The following CHD1L variants were observed in gnomAD, a reference collection of about 807,000 sequenced individuals.
CHD1L encodes ATP-dependent chromatin remodeler CHD1L.
CHD1L carries 118 observed loss-of-function variants against 115.9 expected under a neutral mutation model. That is an observed-to-expected ratio of 1.02 (90% CI 0.88 to 1.19). The LOEUF is 1.19. Ranked by LOEUF, CHD1L falls within the 50% of genes most tolerant of loss-of-function variation. CHD1L has a pLI of 0.00. For synonymous variants in CHD1L, 411 were observed against 387.1 expected (o/e 1.06, Z -0.72); for missense variants, 1,179 against 1,065.3 (o/e 1.11, Z -1.49).
At chr1:147,256,042 G>A in intron 4 of CHD1L, 115 bp downstream of exon 4, 1 of 601,514 alleles carries the variant, frequency 1.7e-6, no homozygotes, top group Non-Finnish European at 2.8e-6. Flanking sequence ...TGGGCAGGGA[G>A]TCTACCTTCA....
the CHD1L span, among the ~76,000 whole-genome samples, chr1:147,233,406 C>T: frequency 1.2e-3 from 177 of 150,390 alleles, 2 homozygotes; most frequent in African/African-American, 3.9e-3. Flanking sequence ...CCAGCCGCCC[C>T]GTCCGGGAGG....
At chr1:147,281,280 C>G (rs1390949332) in intron 15 of CHD1L, among the ~76,000 whole-genome samples, 2 of 152,120 alleles carry the variant, frequency 1.3e-5, no homozygotes, top group Non-Finnish European at 2.9e-5. Flanking sequence ...TTGTGGGTAA[C>G]TTTTATCTGT....
chr1:147,185,151 G>A, the CHD1L span, among the ~76,000 whole-genome samples: 1,579 of 149,386 alleles, frequency 0.011, 22 homozygotes, highest in Middle Eastern at 0.045. Context: ...TAGCTTGGTT[G>A]AGCTAAAAAA....
intron 6 of CHD1L, among the ~76,000 whole-genome samples, chr1:147,263,924 C>A (rs1480854724): frequency 6.6e-6 from 1 of 152,138 alleles, no homozygotes; most frequent in Non-Finnish European, 1.5e-5. Context: ...TGACATCTTG[C>A]ATCTGATGCA....
the CHD1L span, among the ~76,000 whole-genome samples, chr1:147,233,603 A>G: frequency 1.3e-5 from 2 of 152,240 alleles, no homozygotes; most frequent in Admixed American, 1.3e-4. Flanking sequence ...TGCACCCAAC[A>G]TGCTCATTGA....
the CHD1L span, among the ~76,000 whole-genome samples, chr1:147,226,882 G>T: frequency 6.6e-6 from 1 of 150,420 alleles, no homozygotes; most frequent in Non-Finnish European, 1.5e-5. Context: ...ACTTGGGCTG[G>T]AGTGCAGTGG....
the CHD1L span, chr1:147,178,105 C>G: frequency 6.4e-7 from 1 of 1,559,486 alleles, no homozygotes; most frequent in South Asian, 1.2e-5. Context: ...CCCACCCCAC[C>G]TCGCCGCCAT....
chr1:147,202,379 G>GAC, the CHD1L span, among the ~76,000 whole-genome samples: 1 of 128,492 alleles, frequency 7.8e-6, no homozygotes, highest in Non-Finnish European at 1.6e-5. Context: ...GAGTGCAGTG[G>GAC]CATGATCTTG....
the CHD1L span, chr1:147,204,048 T>C: frequency 9.4e-6 from 11 of 1,168,862 alleles, no homozygotes; most frequent in African/African-American, 1.5e-5. Flanking sequence ...TCTGCCACTT[T>C]GCCACCTGTT....
chr1:147,220,773 T>C, the CHD1L span, among the ~76,000 whole-genome samples: 1 of 152,164 alleles, frequency 6.6e-6, no homozygotes, highest in Non-Finnish European at 1.5e-5. Context: ...ACCAGCCCCA[T>C]ACAATTTATC....
chr1:147,278,128 A>G lies in CHD1L; in HGVS notation c.1539+1871A>G, dbSNP rs587696911. ...TTTATCTCTTCCCCATGCAGATGCT[A>G]TGAGTTATTTGTGGTTACCAAAAGC... On this transcript the variant is annotated intron_variant, in intron 14 of 22. Transcript: ENST00000369258. 8.6e-5 allele frequency among the ~76,000 whole-genome samples: 13 copies of G among 151,204 alleles called. No homozygotes were observed. The South Asian group carries it at 1.3e-3, about 15-fold the overall frequency.
chr1:147,277,167 T>C (rs1246864699), intron 14 of CHD1L, among the ~76,000 whole-genome samples: 9 of 152,168 alleles, frequency 5.9e-5, no homozygotes, highest in African/African-American at 2.2e-4. Context: ...ATTTAGGCTT[T>C]AGTCAGAGTG....
At chr1:147,222,055 C>T in the CHD1L span, among the ~76,000 whole-genome samples, 1 of 152,180 alleles carries the variant, frequency 6.6e-6, no homozygotes, top group African/African-American at 2.4e-5. Context: ...AAGGCTCACA[C>T]ATTTGAGCAG....
chr1:147,212,857 C>T, the CHD1L span, among the ~76,000 whole-genome samples: 1 of 151,952 alleles, frequency 6.6e-6, no homozygotes, highest in Non-Finnish European at 1.5e-5. Flanking sequence ...AATACCTACT[C>T]GCATTTCACT....
intron 20 of CHD1L, among the ~76,000 whole-genome samples, chr1:147,292,720 AAG>A (rs1170037556): frequency 1.3e-5 from 2 of 152,318 alleles, no homozygotes; most frequent in African/African-American, 4.8e-5. Flanking sequence ...GAGCAGGAAC[AAG>A]AGAGAGTGGG....
chr1:147,267,444 C>T lies in CHD1L; in HGVS notation c.914C>T (p.Thr305Met), dbSNP rs782085796. The T allele has an allele frequency of 1.1e-5, 18 of 1,611,872 alleles. No homozygotes were observed. Among genetic ancestry groups the T allele is most frequent in the African/African-American group, 2.7e-5 (2 of 74,750 alleles). ...ATTTCAGATGCATTTGAAAATGAGA[C>T]GGCAAAGAAAGTTAAACTACAGAAC... The part of the protein sequence containing the change: ...MKDLDAFENE[T>M]AKKVKLQNIL... The change falls in exon 9 of 23, where the codon ACG becomes ATG. Residue 305 changes from threonine (T) to methionine (M), a missense_variant. Transcript: ENST00000369258.
chr1:147,251,748 C>T (rs782771008), intron 1 of CHD1L, among the ~76,000 whole-genome samples: 3 of 152,034 alleles, frequency 2.0e-5, no homozygotes, highest in Non-Finnish European at 2.9e-5. Flanking sequence ...CCAGGCTGGT[C>T]TTGATCTTCT....
At chr1:147,204,253 G>A in the CHD1L span, 12 of 1,144,034 alleles carry the variant, frequency 1.0e-5, no homozygotes, top group Admixed American at 8.4e-5. Flanking sequence ...ATCACCTTCT[G>A]TTTCCTTCTT....
chr1:147,284,263 C>A, intron 15 of CHD1L, 88 bp from the exon 16 acceptor site: 1 of 1,085,620 alleles, frequency 9.2e-7, no homozygotes, highest in South Asian at 1.7e-5. Context: ...AGGCTGTTCT[C>A]CTGTCCACTT....
Sources: gnomAD v4.1 joint callset for allele counts (sites outside exome capture counted in the v4.1 genomes callset) on GRCh38, gnomAD v4.1.1 for gene constraint, MANE v1.5 for transcripts, NCBI Gene and HGNC (gene_info 2026-07-23, HGNC 2026-07-21) for gene names.